The following PRKN variants were observed in gnomAD, a reference collection of about 807,000 sequenced individuals.
The protein encoded by PRKN is parkin RBR E3 ubiquitin protein ligase.
Under a neutral mutation model 59.5 loss-of-function variants are expected in PRKN, and 56 were observed. The observed-to-expected ratio is 0.94, with a 90% CI of 0.76 to 1.18. The LOEUF is 1.18. PRKN is among the 50% of genes most tolerant of loss of function. The pLI, the probability that PRKN is intolerant of heterozygous loss-of-function variation, is 0.00. For synonymous variants in PRKN, 250 were observed against 222.1 expected (o/e 1.13, Z -1.12); for missense variants, 657 against 596.4 (o/e 1.10, Z -1.06).
chr6:161,666,922 A>C (rs985220610), intron 7 of PRKN, among the ~76,000 whole-genome samples: 1 of 152,158 alleles, frequency 6.6e-6, no homozygotes, highest in Non-Finnish European at 1.5e-5. Flanking sequence ...GTGGACCTTC[A>C]TGTAATGGGA....
At chr6:162,340,674 G>A (rs1463586182) in intron 2 of PRKN, among the ~76,000 whole-genome samples, 1 of 152,100 alleles carries the variant, frequency 6.6e-6, no homozygotes, top group Non-Finnish European at 1.5e-5. Context: ...AACAAGAAAT[G>A]GGGAAAGGAT....
intron 2 of PRKN, among the ~76,000 whole-genome samples, chr6:162,385,258 A>G (rs1786740712): frequency 6.6e-6 from 1 of 152,172 alleles, no homozygotes; most frequent in Non-Finnish European, 1.5e-5. Flanking sequence ...TCACCCAGAT[A>G]ACATAAACAC....
chr6:162,188,492 T>C (rs1784122867), intron 4 of PRKN, among the ~76,000 whole-genome samples: 1 of 152,206 alleles, frequency 6.6e-6, no homozygotes, highest in Admixed American at 6.5e-5. Flanking sequence ...CAGTACTGGA[T>C]CAATGTCCAC....
chr6:162,548,700 A>G (rs1039007612), intron 1 of PRKN, among the ~76,000 whole-genome samples: 1 of 152,200 alleles, frequency 6.6e-6, no homozygotes, highest in African/African-American at 2.4e-5. Context: ...TTTGAGCTTG[A>G]GCTGCAATGA....
chr6:162,319,565 G>A (rs1192836437), intron 2 of PRKN, among the ~76,000 whole-genome samples: 1 of 151,928 alleles, frequency 6.6e-6, no homozygotes, highest in Non-Finnish European at 1.5e-5. Flanking sequence ...AGGGCTTATT[G>A]TGTGTTAGGC....
intron 4 of PRKN, among the ~76,000 whole-genome samples, chr6:162,179,190 C>T (rs780429074): frequency 1.3e-5 from 2 of 152,178 alleles, no homozygotes; most frequent in Non-Finnish European, 2.9e-5. Flanking sequence ...TCCCTTCAGT[C>T]GTAATTGCAT....
chr6:161,951,917 T>TAA (rs34079539), intron 6 of PRKN, among the ~76,000 whole-genome samples: 1 of 143,714 alleles, frequency 7.0e-6, no homozygotes, highest in African/African-American at 2.6e-5. Context: ...GACTCCATCT[T>TAA]AAAAAAAAAA....
rs190817396 is a variant in PRKN, at chr6:161,941,632, A to G, written c.734+31670T>C. On this transcript the variant is annotated intron_variant, in intron 6 of 11. Transcript: ENST00000366898. ...AGCTGTCTACAGATGGCTAAACTAA[A>G]AGAGCACCCTGTAACACATGCCCAC... 1.1e-3 allele frequency among the ~76,000 whole-genome samples: 167 copies of G among 152,244 alleles called. 2 individuals are homozygous for G. Among genetic ancestry groups the G allele is most frequent in the East Asian group, 5.8e-4 (3 of 5,170 alleles).
chr6:162,370,593 ATTTC>A (rs1785712966), intron 2 of PRKN, among the ~76,000 whole-genome samples: 1 of 152,282 alleles, frequency 6.6e-6, no homozygotes, highest in South Asian at 2.1e-4. Context: ...ATCTACTTAG[ATTTC>A]TTGGAGAAAT....
chr6:162,390,649 G>A (rs1023550151), intron 2 of PRKN, among the ~76,000 whole-genome samples: 1 of 151,828 alleles, frequency 6.6e-6, no homozygotes, highest in Admixed American at 6.6e-5. Context: ...TGCCATGTTG[G>A]CCAGGCTGAT....
intron 5 of PRKN, among the ~76,000 whole-genome samples, chr6:161,994,138 G>A (rs1380736036): frequency 5.3e-5 from 8 of 151,826 alleles, no homozygotes; most frequent in African/African-American, 1.7e-4. Flanking sequence ...TCATGATCAA[G>A]TGAGATTTTT....
intron 3 of PRKN, among the ~76,000 whole-genome samples, chr6:162,204,775 AAAG>A (rs1172957199): frequency 6.6e-6 from 1 of 150,746 alleles, no homozygotes; most frequent in African/African-American, 2.4e-5. Flanking sequence ...GGGCCCTTTT[AAAG>A]CGTGAGTCAC....
chr6:162,030,702 G>C (rs1040057507), intron 5 of PRKN, among the ~76,000 whole-genome samples: 1 of 152,180 alleles, frequency 6.6e-6, no homozygotes, highest in South Asian at 2.1e-4. Context: ...TGAAATGAGA[G>C]ACCTGAGACC....
rs1409219765 is a variant in PRKN at position 161,409,357 on chromosome 6, G to T, written c.1084-22480C>A. On this transcript the variant is annotated intron_variant, in intron 9 of 11. Transcript: ENST00000366898. This position sits in a 1 kb window ranked among gnomAD's most constrained non-coding sequence, Gnocchi z 4.6. ...GACAGCATTGTGTGTTCTCTAAAGC[G>T]CCAGGTTATAACGGCCATATGTCTC... 1.3e-5 allele frequency among the ~76,000 whole-genome samples: 2 copies of T among 152,134 alleles called. No individual in the cohort carries two copies. Among genetic ancestry groups the T allele is most frequent in the Non-Finnish European group, 2.9e-5 (2 of 68,042 alleles).
chr6:162,639,287 C>T (rs560834884), intron 1 of PRKN, among the ~76,000 whole-genome samples: 80 of 152,166 alleles, frequency 5.3e-4, no homozygotes, highest in African/African-American at 1.8e-3. Context: ...AAAGCAAAAT[C>T]ATGATTCCTA....
At position 161,361,105 on chromosome 6, in the gene PRKN, T is replaced by C. The variant is rs1784960639; in HGVS notation, c.1168-900A>G. Among the ~76,000 whole-genome samples the C allele has an allele frequency of 6.6e-6, 1 of 152,048 alleles. No individual in the cohort carries two copies. The highest frequency in any genetic ancestry group is 1.5e-5 in the Non-Finnish European group (1 of 68,018). On this transcript the variant is annotated intron_variant, in intron 10 of 11. Coordinates refer to ENST00000366898, the MANE Select transcript of PRKN (RefSeq NM_004562.3). This position sits in a 1 kb window ranked among gnomAD's most constrained non-coding sequence, Gnocchi z 5.2. ...GAAGCAAGAGGTCCTGGGCTAGCTG[T>C]GCTTGACATCTGTGACCTTAAGGAC...
intron 9 of PRKN, among the ~76,000 whole-genome samples, chr6:161,404,944 G>A (rs371684953): frequency 5.1e-4 from 78 of 152,296 alleles, no homozygotes; most frequent in African/African-American, 1.7e-3. Flanking sequence ...AAAAGTATAT[G>A]TTTCTGTAAA....
At chr6:162,517,807 G>A (rs983722415) in intron 1 of PRKN, among the ~76,000 whole-genome samples, 1 of 152,044 alleles carries the variant, frequency 6.6e-6, no homozygotes, top group African/African-American at 2.4e-5. Flanking sequence ...CTCAAAAATT[G>A]TCTACATCAT....
At chr6:162,705,702 T>C (rs190510715) in intron 1 of PRKN, among the ~76,000 whole-genome samples, 2 of 152,304 alleles carry the variant, frequency 1.3e-5, no homozygotes, top group Admixed American at 1.3e-4. Flanking sequence ...AAGAATCAAA[T>C]GATTTTCTTG....
Sources: gnomAD v4.1 joint callset for allele counts (sites outside exome capture counted in the v4.1 genomes callset) on GRCh38, gnomAD v4.1.1 for gene constraint, Gnocchi (gnomAD v3.1) non-coding constraint, MANE v1.5 for transcripts, NCBI Gene and HGNC (gene_info 2026-07-23, HGNC 2026-07-21) for gene names.